WWOX: variants seen among roughly 807,000 people sequenced by gnomAD.
The protein encoded by WWOX is WW domain-containing oxidoreductase.
Under a neutral mutation model 46.2 loss-of-function variants are expected in WWOX, and 69 were observed. The ratio of observed to expected loss-of-function variants is 1.49; its 90% CI spans 1.23 to 1.82. The LOEUF (loss-of-function observed/expected upper bound fraction) is 1.82, where lower values mean the gene tolerates loss of function less well. Among genes scored for constraint, WWOX ranks in the 40% most tolerant of loss-of-function variants. The pLI is 0.00. For missense variants in WWOX, 919 were observed against 542.6 expected, an observed-to-expected ratio of 1.69 and a Z score of -6.89; for synonymous variants, 359 against 202.6, an observed-to-expected ratio of 1.77 and a Z score of -6.56.
intron 8 of WWOX, among the ~76,000 whole-genome samples, chr16:78,484,351 C>T (rs1394610422): frequency 2.0e-5 from 3 of 151,938 alleles, no homozygotes; most frequent in African/African-American, 4.8e-5. Context: ...TCCAAGTATA[C>T]CTATTCCCCA....
chr16:78,531,996 G>C (rs1037344150), intron 8 of WWOX, among the ~76,000 whole-genome samples: 4 of 151,918 alleles, frequency 2.6e-5, no homozygotes, highest in African/African-American at 9.7e-5. Flanking sequence ...AATAAGTTTT[G>C]GGTTGGGCGG....
chr16:79,038,749 C>T (rs1292831953), intron 8 of WWOX, among the ~76,000 whole-genome samples: 2 of 152,072 alleles, frequency 1.3e-5, no homozygotes, highest in South Asian at 2.1e-4. Context: ...AGGGTTTCAC[C>T]ATATTGGCCA....
In WWOX at chr16:78,879,155, A is replaced by T. The variant is rs560624437; in HGVS notation, c.1057-332453A>T. Among the ~76,000 whole-genome samples the T allele has an allele frequency of 2.0e-5, 3 of 152,266 alleles. No individual in the cohort carries two copies. In the East Asian group the frequency reaches 5.8e-4, roughly 29 times the overall value. Reference sequence around the variant, plus strand: ...TAAGGCAGAAAAACGCAGATAAGAAAATCGAAGTTGAGGGCAAGGAGCTCA... The same window carrying T: ...TAAGGCAGAAAAACGCAGATAAGAATATCGAAGTTGAGGGCAAGGAGCTCA... On this transcript the variant is annotated intron_variant, in intron 8 of 8. Transcript: ENST00000566780.
intron 6 of WWOX, among the ~76,000 whole-genome samples, chr16:78,404,297 G>C (rs1007171816): frequency 6.6e-6 from 1 of 152,096 alleles, no homozygotes; most frequent in African/African-American, 2.4e-5. Context: ...CGGGGATTTT[G>C]TAATTCAACA....
At chr16:78,706,280 G>T (rs1306412419) in intron 8 of WWOX, among the ~76,000 whole-genome samples, 1 of 151,990 alleles carries the variant, frequency 6.6e-6, no homozygotes, top group Non-Finnish European at 1.5e-5. Context: ...GTCTGTGTCT[G>T]TCAGTCTCAC....
At chr16:79,203,128 G>T (rs932764438) in intron 8 of WWOX, 2 of 152,206 alleles carry the variant, frequency 1.3e-5, no homozygotes, top group Admixed American at 6.5e-5. Context: ...GCTGGTGAAT[G>T]AAATATCTAT....
chr16:78,967,604 AC>A (rs1387811953), intron 8 of WWOX, among the ~76,000 whole-genome samples: 1 of 150,076 alleles, frequency 6.7e-6, no homozygotes, highest in Non-Finnish European at 1.5e-5. Context: ...TATGCCCAAT[AC>A]CCCCTATGTA....
intron 6 of WWOX, 128 bp from the exon 7 acceptor site, chr16:78,424,742 C>A (rs1202524724): frequency 4.7e-6 from 5 of 1,067,374 alleles, no homozygotes; most frequent in Admixed American, 1.7e-5. Context: ...ATTTCTCATT[C>A]CCGAAGGAGC....
At chr16:79,180,754 TATCC>T (rs747293532) in intron 8 of WWOX, among the ~76,000 whole-genome samples, 83 of 152,282 alleles carry the variant, frequency 5.5e-4, no homozygotes, top group Non-Finnish European at 1.0e-3. Context: ...TCTATTCATC[TATCC>T]ATCCATCCAT....
At chr16:78,314,511 G>T (rs1320753078) in intron 5 of WWOX, among the ~76,000 whole-genome samples, 4 of 148,556 alleles carry the variant, frequency 2.7e-5, no homozygotes, top group African/African-American at 9.9e-5. Flanking sequence ...TATCAGGATG[G>T]TGCCAATTTG....
intron 5 of WWOX, among the ~76,000 whole-genome samples, chr16:78,330,501 A>G (rs926085549): frequency 5.3e-5 from 8 of 152,022 alleles, no homozygotes; most frequent in South Asian, 2.1e-4. Context: ...GGTTCAAGCA[A>G]TTCTCCTGCC....
chr16:78,312,177 A>G (rs2080257910), intron 5 of WWOX, among the ~76,000 whole-genome samples: 1 of 152,206 alleles, frequency 6.6e-6, no homozygotes, highest in Non-Finnish European at 1.5e-5. Context: ...CTTTAAGGTC[A>G]GCTGACTAGC....
chr16:78,994,429 C>G (rs903751777), intron 8 of WWOX: 1 of 152,124 alleles, frequency 6.6e-6, no homozygotes, highest in African/African-American at 2.4e-5. Context: ...GCATTTTTAT[C>G]GGTTCACGTA....
At chr16:78,560,626 A>G (rs1318828374) in intron 8 of WWOX, among the ~76,000 whole-genome samples, 4 of 152,214 alleles carry the variant, frequency 2.6e-5, no homozygotes, top group Non-Finnish European at 4.4e-5. Flanking sequence ...TCTAGGCAAC[A>G]AGAGTGAAAC....
chr16:78,690,803 T>C (rs1415424895), intron 8 of WWOX, among the ~76,000 whole-genome samples: 2 of 152,142 alleles, frequency 1.3e-5, no homozygotes, highest in Non-Finnish European at 2.9e-5. Flanking sequence ...TTCAGTAAAA[T>C]GAATGGCATA....
intron 8 of WWOX, among the ~76,000 whole-genome samples, chr16:78,526,975 A>G (rs1004859552): frequency 2.6e-5 from 4 of 151,906 alleles, no homozygotes; most frequent in Middle Eastern, 3.2e-3. Context: ...GACCAGCCTG[A>G]CCAACATGGT....
At chr16:78,875,232 T>A (rs1452894777) in intron 8 of WWOX, among the ~76,000 whole-genome samples, 1 of 152,134 alleles carries the variant, frequency 6.6e-6, no homozygotes, top group Non-Finnish European at 1.5e-5. Context: ...CAGTGTTGGA[T>A]GTTCACCGCT....
intron 8 of WWOX, among the ~76,000 whole-genome samples, chr16:78,765,345 T>C (rs2049902120): frequency 6.6e-6 from 1 of 152,200 alleles, no homozygotes; most frequent in South Asian, 2.1e-4. Flanking sequence ...AGGGCTTTGC[T>C]CTGACTTCAG....
chr16:79,201,869 G>C (rs529778189), intron 8 of WWOX, among the ~76,000 whole-genome samples: 1 of 152,046 alleles, frequency 6.6e-6, no homozygotes, highest in South Asian at 2.1e-4. Context: ...TTTCATTTTT[G>C]TTCACCTGTT....
Sources: gnomAD v4.1 joint callset for allele counts (sites outside exome capture counted in the v4.1 genomes callset) on GRCh38, gnomAD v4.1.1 for gene constraint, MANE v1.5 for transcripts, NCBI Gene and HGNC (gene_info 2026-07-23, HGNC 2026-07-21) for gene names.